Variants in STPG2 observed in about 807,000 individuals in gnomAD.
STPG2 encodes the protein sperm-tail PG-rich repeat-containing protein 2.
In STPG2, 56 loss-of-function variants were observed where a neutral mutation model predicts 54.2. The ratio of observed to expected loss-of-function variants is 1.03; its 90% CI spans 0.83 to 1.29. The LOEUF (loss-of-function observed/expected upper bound fraction) is 1.29. Among genes scored for constraint, STPG2 ranks in the 50% most tolerant of loss-of-function variants. The pLI is 0.00. For missense variants in STPG2, 596 were observed against 544.9 expected (o/e 1.09, Z -0.93); for synonymous variants, 200 against 181.8 (o/e 1.10, Z -0.81).
At chr4:98,100,086 T>A (rs1560678683) in intron 5 of STPG2, among the ~76,000 whole-genome samples, 1 of 152,142 alleles carries the variant, frequency 6.6e-6, no homozygotes, top group Non-Finnish European at 1.5e-5. Context: ...GCACTTACTC[T>A]TTAAACTATT....
At chr4:97,907,134 A>G (rs1285852029) in intron 8 of STPG2, among the ~76,000 whole-genome samples, 2 of 152,064 alleles carry the variant, frequency 1.3e-5, no homozygotes, top group Non-Finnish European at 2.9e-5. Context: ...TCTCAGCCCA[A>G]AATCTCCTTA....
At chr4:97,641,206 T>G (rs1170601546) in intron 10 of STPG2, among the ~76,000 whole-genome samples, 5 of 150,608 alleles carry the variant, frequency 3.3e-5, no homozygotes, top group Non-Finnish European at 7.4e-5. Context: ...TAGCACACAT[T>G]ATTATCAATG....
intron 5 of STPG2, among the ~76,000 whole-genome samples, chr4:98,102,205 G>T (rs886580767): frequency 6.6e-6 from 1 of 152,118 alleles, no homozygotes; most frequent in Non-Finnish European, 1.5e-5. Flanking sequence ...TACATCACCA[G>T]AACAACATAG....
At chr4:97,810,661 C>G (rs1171690695) in intron 9 of STPG2, among the ~76,000 whole-genome samples, 2 of 151,912 alleles carry the variant, frequency 1.3e-5, no homozygotes, top group Non-Finnish European at 2.9e-5. Flanking sequence ...CTCAATAAGC[C>G]TATGTTAAAT....
chr4:98,073,057 GTAT>G (rs1486339908), intron 5 of STPG2, among the ~76,000 whole-genome samples: 1 of 152,074 alleles, frequency 6.6e-6, no homozygotes, highest in East Asian at 1.9e-4. Flanking sequence ...GTTATCACAG[GTAT>G]TATTATTTAT....
At chr4:97,903,327 C>A (rs1413742397) in intron 8 of STPG2, among the ~76,000 whole-genome samples, 1 of 151,888 alleles carries the variant, frequency 6.6e-6, no homozygotes, top group Non-Finnish European at 1.5e-5. Flanking sequence ...CTCAAAACAT[C>A]ACATTGTACA....
chr4:97,449,920 C>A (rs1177457036), intron 4 of STPG2, among the ~76,000 whole-genome samples: 3 of 152,022 alleles, frequency 2.0e-5, no homozygotes, highest in Non-Finnish European at 1.5e-5. Context: ...AACAGAAACA[C>A]AATTCCAATG....
At chr4:97,692,174 A>C (rs1188068166) in intron 10 of STPG2, among the ~76,000 whole-genome samples, 2 of 152,132 alleles carry the variant, frequency 1.3e-5, no homozygotes, top group Admixed American at 6.5e-5. Flanking sequence ...GTGGATCAAA[A>C]CCAAGATGAA....
intron 8 of STPG2, among the ~76,000 whole-genome samples, chr4:97,856,659 C>T (rs1729346865): frequency 6.6e-6 from 1 of 152,068 alleles, no homozygotes; most frequent in Non-Finnish European, 1.5e-5. Context: ...ATTTCTTTTT[C>T]TTGCTTGATT....
chr4:97,600,207 C>T (rs12506341), intron 10 of STPG2, among the ~76,000 whole-genome samples: 7,221 of 152,084 alleles, frequency 0.047, 280 homozygotes, highest in Admixed American at 0.13. Flanking sequence ...TTTATCTATG[C>T]AAAAATCTGT....
intron 9 of STPG2, among the ~76,000 whole-genome samples, chr4:97,838,434 A>G (rs531106975): frequency 6.6e-6 from 1 of 151,296 alleles, no homozygotes; most frequent in South Asian, 2.1e-4. Flanking sequence ...TAAATTACAA[A>G]CAGAAACAGG....
intron 9 of STPG2, among the ~76,000 whole-genome samples, chr4:97,738,232 A>C (rs935151981): frequency 4.6e-5 from 7 of 152,342 alleles, no homozygotes; most frequent in Middle Eastern, 6.8e-3. Flanking sequence ...GGAAAGGAAC[A>C]ATGGGTACCA....
chr4:97,961,063 C>G (rs551108578), intron 7 of STPG2, among the ~76,000 whole-genome samples: 2 of 150,576 alleles, frequency 1.3e-5, no homozygotes, highest in Non-Finnish European at 3.0e-5. Context: ...GTCAACTGGT[C>G]TTCAACAAAG....
rs188011091 is a variant in STPG2, at chr4:97,595,821, C to G, written c.1321-36704G>C. On this transcript the variant is annotated intron_variant, in intron 10 of 10. Transcript: ENST00000295268. The stretch of plus-strand genomic sequence containing the variant: ...ACTTGCCACCACAAAAACACACTTA[C>G]GTACATAGACTATTGACACTATAAA... 1.1e-4 allele frequency among the ~76,000 whole-genome samples: 16 copies of G among 152,122 alleles called. No homozygotes were observed. In the South Asian group the frequency reaches 3.1e-3, roughly 30 times the overall value.
At chr4:97,927,702 G>T (rs1055418188) in intron 8 of STPG2, among the ~76,000 whole-genome samples, 3 of 151,972 alleles carry the variant, frequency 2.0e-5, no homozygotes, top group South Asian at 2.1e-4. Context: ...ACCCTAAAGA[G>T]AGTGACTTCT....
Position 97,572,460 on chromosome 4 carries a change from A to G in STPG2, c.1321-13343T>C, listed in dbSNP as rs567878801. On this transcript the variant is annotated intron_variant, in intron 10 of 10. Coordinates refer to ENST00000295268, the MANE Select transcript of STPG2 (RefSeq NM_174952.3). ...TAAGTTGAACATCTCATATAAGAAC[A>G]GTTTTTGAAATCTCTAAAGTCATGA... 3.3e-5 allele frequency among the ~76,000 whole-genome samples: 5 copies of G among 152,300 alleles called. No individual in the cohort carries two copies. The East Asian group carries it at 9.6e-4, about 29-fold the overall frequency.
intron 4 of STPG2, among the ~76,000 whole-genome samples, chr4:97,490,874 C>T (rs556638290): frequency 6.6e-6 from 1 of 151,632 alleles, no homozygotes; most frequent in East Asian, 2.0e-4. Flanking sequence ...GCAAAAAGCA[C>T]ACAATTAAAC....
intron 4 of STPG2, among the ~76,000 whole-genome samples, chr4:97,553,385 T>C (rs755987697): frequency 3.3e-5 from 5 of 152,178 alleles, no homozygotes; most frequent in Non-Finnish European, 7.4e-5. Context: ...GTCATCCCTT[T>C]TTCATCACTG....
intron 5 of STPG2, among the ~76,000 whole-genome samples, chr4:98,029,502 T>C (rs1227158412): frequency 6.6e-6 from 1 of 152,198 alleles, no homozygotes; most frequent in Non-Finnish European, 1.5e-5. Context: ...ACTACAGCAT[T>C]TTTATTGATG....
Sources: allele counts gnomAD v4.1 joint callset (sites outside exome capture counted in the v4.1 genomes callset), GRCh38; gene constraint gnomAD v4.1.1; transcripts MANE v1.5; gene names NCBI Gene and HGNC (gene_info 2026-07-23, HGNC 2026-07-21).